The following VAT1L variants were observed in gnomAD, a reference collection of about 807,000 sequenced individuals.
VAT1L encodes the protein vesicle amine transport 1 like, also known as putative NADPH-dependent quinone oxidoreductase VAT1L.
A neutral mutation model predicts 44.1 loss-of-function variants in VAT1L; 34 were observed. The ratio of observed to expected loss-of-function variants is 0.77; its 90% CI spans 0.59 to 1.03. VAT1L has a LOEUF of 1.03. Among genes scored for constraint, VAT1L ranks in the 50% least tolerant of loss-of-function variants. The pLI is 0.00. For missense variants in VAT1L, 615 were observed against 538.8 expected, an observed-to-expected ratio of 1.14 and a Z score of -1.40; for synonymous variants, 253 against 202.2, an observed-to-expected ratio of 1.25 and a Z score of -2.13.
chr16:77,809,440 G>A (rs2145225855), intron 1 of VAT1L, among the ~76,000 whole-genome samples: 1 of 138,628 alleles, frequency 7.2e-6, no homozygotes, highest in African/African-American at 2.6e-5. Context: ...CTCTCAGAAA[G>A]AGTCCATTCT....
At chr16:77,875,735 C>T (rs1277293186) in intron 4 of VAT1L, among the ~76,000 whole-genome samples, 3 of 152,228 alleles carry the variant, frequency 2.0e-5, no homozygotes, top group Admixed American at 6.5e-5. Context: ...CTCTATTTAA[C>T]CCTCTTCCTC....
intron 3 of VAT1L, among the ~76,000 whole-genome samples, chr16:77,825,949 G>A (rs7197974): frequency 0.43 from 61,161 of 141,184 alleles, 12,790 homozygotes; most frequent in African/African-American, 0.53. Flanking sequence ...CGTGAACCCG[G>A]GAGGCAGAGC....
chr16:77,811,630 G>A (rs966528211), intron 1 of VAT1L, among the ~76,000 whole-genome samples: 1 of 152,148 alleles, frequency 6.6e-6, no homozygotes, highest in African/African-American at 2.4e-5. Context: ...ACAAAATGGA[G>A]ATTAAAACAC....
At chr16:77,847,185 G>C (rs965374075) in intron 3 of VAT1L, among the ~76,000 whole-genome samples, 6 of 151,522 alleles carry the variant, frequency 4.0e-5, no homozygotes, top group Non-Finnish European at 5.9e-5. Context: ...ATTGCTTTCA[G>C]TCAGGCCAAG....
intron 7 of VAT1L, among the ~76,000 whole-genome samples, chr16:77,900,373 A>G (rs530431739): frequency 6.6e-6 from 1 of 152,294 alleles, no homozygotes; most frequent in East Asian, 1.9e-4. Context: ...ATATAAATAT[A>G]TAACTACAAT....
At chr16:77,867,080 T>G (rs1476580229) in intron 4 of VAT1L, among the ~76,000 whole-genome samples, 1 of 152,168 alleles carries the variant, frequency 6.6e-6, no homozygotes, top group Non-Finnish European at 1.5e-5. Flanking sequence ...CCATTTTCTG[T>G]GCACCTGAGA....
chr16:77,972,014 A>T, intron 8 of VAT1L, 81 bp downstream of exon 8: 1 of 1,377,384 alleles, frequency 7.3e-7, no homozygotes, highest in Non-Finnish European at 1.0e-6. Flanking sequence ...CGGGTGGGGT[A>T]GAAGGAAGTA....
intron 3 of VAT1L, among the ~76,000 whole-genome samples, chr16:77,830,183 G>A (rs373192919): frequency 2.0e-5 from 3 of 152,184 alleles, no homozygotes; most frequent in African/African-American, 7.2e-5. Context: ...TTATCTTATG[G>A]TGTACTCCTA....
chr16:77,872,490 A>T (rs1029766159), intron 4 of VAT1L, among the ~76,000 whole-genome samples: 7 of 152,182 alleles, frequency 4.6e-5, no homozygotes, highest in African/African-American at 1.7e-4. Flanking sequence ...CCATAATGCA[A>T]GGTGAAGACC....
chr16:77,901,153 CTTTTTTTTTT>C (rs538577571), intron 7 of VAT1L, among the ~76,000 whole-genome samples: 94 of 90,050 alleles, frequency 1.0e-3, no homozygotes, highest in Admixed American at 1.8e-3. Flanking sequence ...AGTAGTTTAC[CTTTTTTTTTT>C]TTTTTTTTTT....
Position 77,862,786 on chromosome 16 carries a change from C to T in VAT1L, c.618C>T (p.Asn206=), listed in dbSNP as rs147711332. 30 of 1,614,108 alleles carry T rather than the reference C, an allele frequency of 1.9e-5. No individual in the cohort carries two copies. The African/African-American group carries it at 2.9e-4, about 16-fold the overall frequency. The change falls in exon 4 of 9, where the codon AAC becomes AAT. Residue 206 remains asparagine (N), a synonymous_variant. Transcript: ENST00000302536. ...CTCAGCTGTGTTCCACTGTCCCCAA[C>T]GTGACTGTCTTTGGAACAGCCTCTA... ...AVAQLCSTVP[N]VTVFGTASTF...
chr16:77,954,662 C>A (rs997322565), intron 7 of VAT1L, among the ~76,000 whole-genome samples: 1 of 152,178 alleles, frequency 6.6e-6, no homozygotes, highest in Non-Finnish European at 1.5e-5. Context: ...TCATCTCCCC[C>A]TCTCAGGGGC....
At chr16:77,824,234 C>G (rs1326930455) in intron 2 of VAT1L, among the ~76,000 whole-genome samples, 3 of 152,100 alleles carry the variant, frequency 2.0e-5, no homozygotes, top group African/African-American at 2.4e-5. Flanking sequence ...ACTGACACTT[C>G]CCAGGACTTT....
chr16:77,863,733 A>T (rs777610913), intron 4 of VAT1L, among the ~76,000 whole-genome samples: 2 of 152,156 alleles, frequency 1.3e-5, no homozygotes, highest in East Asian at 1.9e-4. Flanking sequence ...TTGTTATCTC[A>T]TCTAATTATA....
At chr16:77,904,912 A>G (rs1304284685) in intron 7 of VAT1L, among the ~76,000 whole-genome samples, 2 of 152,082 alleles carry the variant, frequency 1.3e-5, no homozygotes, top group Admixed American at 6.5e-5. Flanking sequence ...AACACCTACT[A>G]TTTACCAAGC....
chr16:77,904,002 C>A (rs2017412700), intron 7 of VAT1L, among the ~76,000 whole-genome samples: 1 of 151,992 alleles, frequency 6.6e-6, no homozygotes. Context: ...TCCCAAAGTT[C>A]TGAGATTACA....
intron 7 of VAT1L, among the ~76,000 whole-genome samples, chr16:77,894,926 A>T (rs1567500840): frequency 6.6e-6 from 1 of 151,970 alleles, no homozygotes; most frequent in Non-Finnish European, 1.5e-5. Flanking sequence ...GCCTCAGAAA[A>T]CCATCCCACC....
chr16:77,864,351 G>C (rs931795142), intron 4 of VAT1L, among the ~76,000 whole-genome samples: 3 of 152,156 alleles, frequency 2.0e-5, no homozygotes, highest in Admixed American at 6.5e-5. Context: ...CCAGCACTTT[G>C]GGAGGCCAAG....
intron 4 of VAT1L, among the ~76,000 whole-genome samples, chr16:77,872,298 A>G (rs2017041000): frequency 6.6e-6 from 1 of 152,108 alleles, no homozygotes; most frequent in Admixed American, 6.5e-5. Flanking sequence ...GGGTCCTTCT[A>G]CAAGGAGTCA....
Sources: allele counts gnomAD v4.1 joint callset (sites outside exome capture counted in the v4.1 genomes callset), GRCh38; gene constraint gnomAD v4.1.1; transcripts MANE v1.5; gene names NCBI Gene and HGNC (gene_info 2026-07-23, HGNC 2026-07-21).